GALNT17: variants seen among roughly 807,000 people sequenced by gnomAD.
GALNT17 encodes the protein UDP-GalNAc:polypeptide N-acetylgalactosaminyltransferase-like 3.
Under a neutral mutation model 63.7 loss-of-function variants are expected in GALNT17, and 29 were observed. The observed-to-expected ratio is 0.46, with a 90% CI of 0.34 to 0.62. The LOEUF is 0.62. Among genes scored for constraint, GALNT17 ranks in the 20% least tolerant of loss-of-function variants. The pLI, the probability that GALNT17 is intolerant of heterozygous loss-of-function variation, is 0.01. For missense variants in GALNT17, 603 were observed against 799.6 expected (o/e 0.75, Z 2.97); for synonymous variants, 305 against 318.3 (o/e 0.96, Z 0.45).
intron 6 of GALNT17, among the ~76,000 whole-genome samples, chr7:71,630,051 A>G (rs924089117): frequency 5.9e-5 from 9 of 151,928 alleles, no homozygotes; most frequent in African/African-American, 1.2e-4. Context: ...GGCCTGCCAG[A>G]TAGACACAGG....
rs796810341 is a variant in GALNT17, at chr7:71,484,772, G to A, written c.962+63667G>A. ...TTATTTCTCAGGTTGAACCCAGACT[G>A]ATACACTGGGAACCCAGCATCAGGA... On this transcript the variant is annotated intron_variant, in intron 5 of 10. Transcript: ENST00000333538. Among the ~76,000 whole-genome samples, 34 of 146,608 alleles carry A rather than the reference G, an allele frequency of 2.3e-4. 1 individual carries two copies. The highest frequency in any genetic ancestry group is 8.0e-4 in the African/African-American group (32 of 39,990).
chr7:71,445,029 T>C (rs1583959552), intron 5 of GALNT17, among the ~76,000 whole-genome samples: 1 of 151,466 alleles, frequency 6.6e-6, no homozygotes, highest in Non-Finnish European at 1.5e-5. Context: ...TATGGGGGAA[T>C]GGAGAGGGGA....
intron 2 of GALNT17, among the ~76,000 whole-genome samples, chr7:71,362,866 C>A (rs1366875523): frequency 6.6e-6 from 1 of 152,186 alleles, no homozygotes; most frequent in Non-Finnish European, 1.5e-5. Flanking sequence ...TTGTTTGATG[C>A]TGTGTAAATC....
chr7:71,428,441 C>CTTTTATTATT (rs1786800027), intron 5 of GALNT17, among the ~76,000 whole-genome samples: 2 of 152,020 alleles, frequency 1.3e-5, no homozygotes, highest in Admixed American at 1.3e-4. Flanking sequence ...GTGGACATCC[C>CTTTTATTATT]TTTTATTATT....
intron 1 of GALNT17, among the ~76,000 whole-genome samples, chr7:71,256,397 CAT>C (rs1488050701): frequency 6.6e-6 from 1 of 152,150 alleles, no homozygotes; most frequent in African/African-American, 2.4e-5. Context: ...ATGGTGAAAC[CAT>C]GTCTCTACAA....
intron 1 of GALNT17, among the ~76,000 whole-genome samples, chr7:71,225,227 C>T (rs1789659743): frequency 6.6e-6 from 1 of 152,186 alleles, no homozygotes; most frequent in Non-Finnish European, 1.5e-5. Context: ...CCTCAGCCTC[C>T]CAAAGTGCTG....
intron 9 of GALNT17, among the ~76,000 whole-genome samples, chr7:71,687,931 C>T (rs554928392): frequency 6.6e-6 from 1 of 152,082 alleles, no homozygotes; most frequent in South Asian, 2.1e-4. Context: ...CTCCTAGGCT[C>T]GAGTGATTCT....
chr7:71,278,156 GT>G (rs1790715043), intron 1 of GALNT17, among the ~76,000 whole-genome samples: 1 of 152,204 alleles, frequency 6.6e-6, no homozygotes, highest in Non-Finnish European at 1.5e-5. Context: ...CTATGTTTCT[GT>G]TTAATCCACA....
At chr7:71,598,818 G>C (rs564729172) in intron 6 of GALNT17, among the ~76,000 whole-genome samples, 3 of 57,200 alleles carry the variant, frequency 5.2e-5, no homozygotes, top group African/African-American at 1.2e-4. Flanking sequence ...TAGCAAATCG[G>C]GTAAATGATC....
At chr7:71,431,539 G>A (rs1786867147) in intron 5 of GALNT17, among the ~76,000 whole-genome samples, 1 of 152,004 alleles carries the variant, frequency 6.6e-6, no homozygotes, top group African/African-American at 2.4e-5. Context: ...CCTTTTTACA[G>A]GCAAAGTTGC....
At chr7:71,520,361 T>C (rs1788510984) in intron 5 of GALNT17, among the ~76,000 whole-genome samples, 2 of 152,040 alleles carry the variant, frequency 1.3e-5, no homozygotes, top group Admixed American at 1.3e-4. Flanking sequence ...TTGTCTCTAC[T>C]AAAAACACAA....
intron 1 of GALNT17, among the ~76,000 whole-genome samples, chr7:71,295,346 T>C (rs1001306841): frequency 6.6e-6 from 1 of 152,164 alleles, no homozygotes; most frequent in African/African-American, 2.4e-5. Context: ...TTGAGGACCC[T>C]CAGCTTGCCT....
rs139187206 is a variant in GALNT17, at chr7:71,540,967, G to A, written c.963-30318G>A. Among the ~76,000 whole-genome samples the A allele has an allele frequency of 5.3e-5, 8 of 152,090 alleles. No individual in the cohort carries two copies. In the East Asian group the frequency reaches 1.2e-3, roughly 22 times the overall value. ...AAAGAAACGATGGCCAGCCGGGCGC[G>A]GTGGCTCATGCCTGGAATCCCAGCA... On this transcript the variant is annotated intron_variant, in intron 5 of 10. Coordinates refer to ENST00000333538, the MANE Select transcript of GALNT17 (RefSeq NM_022479.3).
chr7:71,148,322 C>G (rs1441442578), intron 1 of GALNT17, among the ~76,000 whole-genome samples: 1 of 152,310 alleles, frequency 6.6e-6, no homozygotes, highest in East Asian at 1.9e-4. Context: ...GCCATTGCAT[C>G]TTTGTACCAG....
chr7:71,362,351 A>G (rs1442892468), intron 2 of GALNT17, among the ~76,000 whole-genome samples: 1 of 152,196 alleles, frequency 6.6e-6, no homozygotes, highest in African/African-American at 2.4e-5. Flanking sequence ...TAACTGATTC[A>G]AAGACTACAT....
chr7:71,202,865 A>G (rs1289320697), intron 1 of GALNT17, among the ~76,000 whole-genome samples: 1 of 152,212 alleles, frequency 6.6e-6, no homozygotes, highest in Admixed American at 6.5e-5. Context: ...GAGATTACGC[A>G]GTATTTGACT....
intron 6 of GALNT17, among the ~76,000 whole-genome samples, chr7:71,629,944 CT>C (rs1790431264): frequency 6.7e-6 from 1 of 149,532 alleles, no homozygotes; most frequent in Non-Finnish European, 1.5e-5. Flanking sequence ...TTCACAATAC[CT>C]CCCAAACAGT....
intron 1 of GALNT17, among the ~76,000 whole-genome samples, chr7:71,276,539 G>A (rs1490767084): frequency 1.3e-5 from 2 of 152,152 alleles, no homozygotes; most frequent in Non-Finnish European, 2.9e-5. Context: ...TAGTGAATAA[G>A]TCTTATGAGA....
intron 6 of GALNT17, among the ~76,000 whole-genome samples, chr7:71,605,255 AG>A (rs1790028244): frequency 6.6e-6 from 1 of 152,116 alleles, no homozygotes; most frequent in African/African-American, 2.4e-5. Flanking sequence ...TACACAGCAA[AG>A]GAGTGCCTAC....
Sources: allele counts gnomAD v4.1 joint callset (sites outside exome capture counted in the v4.1 genomes callset), GRCh38; gene constraint gnomAD v4.1.1; transcripts MANE v1.5; gene names NCBI Gene and HGNC (gene_info 2026-07-23, HGNC 2026-07-21).